Variants in AKAP9 observed in about 807,000 individuals in gnomAD.
AKAP9 encodes A-kinase anchoring protein 9.
Under a neutral mutation model 488.5 loss-of-function variants are expected in AKAP9, and 311 were observed. The ratio of observed to expected loss-of-function variants is 0.64; its 90% CI spans 0.58 to 0.70. The LOEUF (loss-of-function observed/expected upper bound fraction) is 0.70. Ranked by LOEUF, AKAP9 falls within the 30% of genes least tolerant of loss-of-function variation. The probability of loss-of-function intolerance (pLI) is 0.00; values close to 1 mark genes in which losing one functional copy is unlikely to be tolerated. For synonymous variants in AKAP9, 1,462 were observed against 1,483.5 expected, an observed-to-expected ratio of 0.99 and a Z score of 0.33; for missense variants, 4,215 against 4,374.5, an observed-to-expected ratio of 0.96 and a Z score of 1.03.
intron 16 of AKAP9, among the ~76,000 whole-genome samples, chr7:92,032,046 G>A (rs1429233097): frequency 6.6e-6 from 1 of 152,198 alleles, no homozygotes; most frequent in African/African-American, 2.4e-5. Flanking sequence ...GCTAAGTGAA[G>A]GAGTTTATCA....
intron 24 of AKAP9, 39 bp downstream of exon 24, chr7:92,062,525 T>G (rs1420430409): frequency 6.4e-7 from 1 of 1,569,380 alleles, no homozygotes; most frequent in Admixed American, 1.7e-5. Context: ...AGTCCTCTGA[T>G]TTTATTTGTA....
chr7:92,098,233 TA>T lies in AKAP9; in HGVS notation c.10713+20del, dbSNP rs1348883488. Reference sequence around the variant, plus strand: ...TGAAGAGGTAATACTTTTTAAAAGTTATTTCTGAAGCATTGAGAGCAAAGAT... The same window carrying T: ...TGAAGAGGTAATACTTTTTAAAAGTTTTTCTGAAGCATTGAGAGCAAAGAT... On this transcript the variant is annotated intron_variant, in intron 43 of 49. Transcript: ENST00000356239. The T allele has an allele frequency of 6.1e-6, 9 of 1,474,702 alleles. No homozygotes were observed. The Admixed American group carries it at 6.7e-5, about 11-fold the overall frequency. The allele number at this position is 1,474,702 out of a possible 1,614,324, so 91.4% of individuals were successfully genotyped here.
At chr7:92,008,630 G>A (rs780816872) in intron 8 of AKAP9, among the ~76,000 whole-genome samples, 1 of 151,964 alleles carries the variant, frequency 6.6e-6, no homozygotes, top group Non-Finnish European at 1.5e-5. Context: ...GGAGAATGCA[G>A]TGAGCCAAGA....
At chr7:92,034,499 T>TATATATA (rs11439002) in intron 16 of AKAP9, among the ~76,000 whole-genome samples, 2 of 58,206 alleles carry the variant, frequency 3.4e-5, no homozygotes, top group African/African-American at 1.5e-4. Context: ...TATATATATA[T>TATATATA]TTTTTTTTTT....
At chr7:91,977,576 CA>C (rs1795866822) in intron 2 of AKAP9, among the ~76,000 whole-genome samples, 1 of 152,128 alleles carries the variant, frequency 6.6e-6, no homozygotes, top group South Asian at 2.1e-4. Context: ...AAAACCAAGA[CA>C]AAACCAAAAA....
At position 92,077,835 on chromosome 7, in the gene AKAP9, C is replaced by T. The variant is rs368444006; in HGVS notation, c.6905C>T (p.Thr2302Met). ...VEIDQLNEQV[T>M]KLQQQLKITT... ...ATTGACCAATTAAATGAACAAGTTA[C>T]GAAACTCCAGCAGCAACTTAAAATT... The change falls in exon 30 of 50, where the codon ACG (threonine) becomes ATG (methionine). Residue 2302 changes from threonine to methionine, a missense_variant. By Grantham distance (81) the Thr-to-Met change is moderately conservative. Transcript: ENST00000356239. 1.9e-5 allele frequency: 31 copies of T among 1,613,298 alleles called. No individual in the cohort carries two copies. In the African/African-American group the frequency reaches 2.3e-4, roughly 12 times the overall value.
Position 92,070,176 on chromosome 7 carries a change from G to A in AKAP9, c.6477G>A (p.Ala2159=), listed in dbSNP as rs780419888. 3.7e-6 allele frequency: 6 copies of A among 1,613,902 alleles called. No individual in the cohort carries two copies. In the East Asian group the frequency reaches 6.7e-5, roughly 18 times the overall value. The change falls in exon 27 of 50, where the codon GCG becomes GCA. Residue 2159 remains alanine (A), a synonymous_variant. Coordinates refer to ENST00000356239, the MANE Select transcript of AKAP9 (RefSeq NM_005751.5). The part of the protein sequence containing the change: ...LEFRVRELEQ[A]LLVSADTFQK... ...TCAGAGTAAGAGAACTGGAGCAGGCGCTTCTTGTGAGTGCAGATACTTTTC... is the reference window on the plus strand; with the variant it reads ...TCAGAGTAAGAGAACTGGAGCAGGCACTTCTTGTGAGTGCAGATACTTTTC...
Position 92,085,526 on chromosome 7 carries a change from T to C in AKAP9, c.8864T>C (p.Met2955Thr), listed in dbSNP as rs1210551578. The C allele has an allele frequency of 1.2e-6, 2 of 1,614,024 alleles. No homozygotes were observed. Among genetic ancestry groups the C allele is most frequent in the Non-Finnish European group, 1.7e-6 (2 of 1,180,014 alleles). Residue 2955 changes from methionine (M) to threonine (T), a missense_variant, in exon 36 of 50, where the codon ATG becomes ACG. By Grantham distance (81) the Met-to-Thr change is moderately conservative. Transcript: ENST00000356239. ...GLLRAVHNEG[M>T]QVLSLTESPY... ...CTGAGAGCTGTCCATAATGAAGGCA[T>C]GCAGGTGCTTTCTCTCACTGAGTCT...
chr7:92,057,356 A>AT (rs1463787687), intron 22 of AKAP9, among the ~76,000 whole-genome samples: 2 of 152,230 alleles, frequency 1.3e-5, no homozygotes, highest in East Asian at 3.9e-4. Flanking sequence ...AATTAAAGCA[A>AT]TTTTTTAATG....
intron 1 of AKAP9, among the ~76,000 whole-genome samples, chr7:91,968,239 C>T (rs1794656278): frequency 1.3e-5 from 2 of 152,182 alleles, no homozygotes; most frequent in Non-Finnish European, 2.9e-5. Context: ...CCACCGCTCC[C>T]AGCTTGATGA....
rs1816849732 is a variant in AKAP9, at chr7:92,097,657, A to G, written c.10470A>G (p.Thr3490=). The change falls in exon 42 of 50, where the codon ACA becomes ACG. Residue 3490 remains threonine, a synonymous_variant. Coordinates refer to ENST00000356239, the MANE Select transcript of AKAP9 (RefSeq NM_005751.5). The part of the protein sequence containing the change: ...WVLQQKIEGE[T]KESNYAKLIE... ...TTCAACAGAAAATAGAAGGAGAAAC[A>G]AAAGAATCAAACTACGCTAAATTGA... 1 of 1,614,102 alleles carries G rather than the reference A, an allele frequency of 6.2e-7. No individual in the cohort carries two copies. The highest frequency in any genetic ancestry group is 1.3e-5 in the African/African-American group (1 of 74,948).
intron 1 of AKAP9, among the ~76,000 whole-genome samples, chr7:91,957,898 A>T (rs893293612): frequency 2.0e-5 from 3 of 152,312 alleles, no homozygotes; most frequent in East Asian, 3.9e-4. Flanking sequence ...ATTTTCAGAA[A>T]AAAAAATACT....
At chr7:91,970,939 C>T (rs982073481) in intron 1 of AKAP9, among the ~76,000 whole-genome samples, 3 of 151,914 alleles carry the variant, frequency 2.0e-5, no homozygotes, top group Non-Finnish European at 2.9e-5. Flanking sequence ...GATTTCTACC[C>T]CCTTGCATTA....
chr7:92,043,861 C>A (rs988629756), intron 20 of AKAP9, among the ~76,000 whole-genome samples: 1 of 152,098 alleles, frequency 6.6e-6, no homozygotes, highest in Non-Finnish European at 1.5e-5. Flanking sequence ...CAGTGTGAAG[C>A]TAAAAGATAA....
intron 8 of AKAP9, among the ~76,000 whole-genome samples, chr7:92,010,121 G>T (rs185347588): frequency 4.3e-4 from 65 of 152,236 alleles, no homozygotes; most frequent in African/African-American, 1.5e-3. Flanking sequence ...AAATGTAGGG[G>T]ATTGGTCAGG....
chr7:91,951,610 C>T (rs964025521), intron 1 of AKAP9, among the ~76,000 whole-genome samples: 3 of 152,180 alleles, frequency 2.0e-5, no homozygotes, highest in Non-Finnish European at 2.9e-5. Flanking sequence ...TAGGTGTGAG[C>T]CACCACGCCC....
At chr7:92,049,368 T>G (rs1037492387) in intron 21 of AKAP9, among the ~76,000 whole-genome samples, 1 of 152,048 alleles carries the variant, frequency 6.6e-6, no homozygotes, top group Non-Finnish European at 1.5e-5. Context: ...TCGCAGCACT[T>G]TGGGAGGCTG....
At chr7:92,018,016 A>G (rs1801761862) in intron 12 of AKAP9, among the ~76,000 whole-genome samples, 1 of 152,192 alleles carries the variant, frequency 6.6e-6, no homozygotes, top group African/African-American at 2.4e-5. Flanking sequence ...GGTTTATGTC[A>G]GTAATCACAA....
chr7:92,083,021 T>C (rs1248801280), intron 32 of AKAP9, 149 bp from the exon 33 acceptor site: 3 of 855,960 alleles, frequency 3.5e-6, no homozygotes, highest in Non-Finnish European at 5.3e-6. Flanking sequence ...ATATGTAAAC[T>C]GTGAGCGTTT....
Sources: allele counts gnomAD v4.1 joint callset (sites outside exome capture counted in the v4.1 genomes callset), GRCh38; gene constraint gnomAD v4.1.1; transcripts MANE v1.5; gene names NCBI Gene and HGNC (gene_info 2026-07-23, HGNC 2026-07-21).